Variants in IQGAP1 observed in about 807,000 individuals in gnomAD.
IQGAP1 encodes the protein ras GTPase-activating-like protein IQGAP1.
A neutral mutation model predicts 215.6 loss-of-function variants in IQGAP1; 66 were observed. The ratio of observed to expected loss-of-function variants is 0.31; its 90% CI spans 0.25 to 0.38. IQGAP1 has a LOEUF of 0.38. Ranked by LOEUF, IQGAP1 falls within the 10% of genes least tolerant of loss-of-function variation. The pLI is 1.00. For synonymous variants in IQGAP1, 772 were observed against 728.7 expected, an observed-to-expected ratio of 1.06 and a Z score of -0.96; for missense variants, 1,712 against 1,997.1, an observed-to-expected ratio of 0.86 and a Z score of 2.72.
chr15:90,483,591 C>A lies in IQGAP1; in HGVS notation c.3786C>A (p.Phe1262Leu). Residue 1262 changes from phenylalanine to leucine, a missense_variant and splice_region_variant, in exon 29 of 38, where the codon TTC becomes TTA. Around this residue, in one of 2 missense-constraint regions of IQGAP1, gnomAD observed 691 missense variants for 923.0 expected, o/e 0.75. Transcript: ENST00000268182. ...NEYLSQSYQK[F>L]RRFFQTACDV... ...ATCTTTCCCAGTCCTACCAGAAATT[C>A]AGGTAAGGGGAAAGGCACAAGTGCT... The A allele has an allele frequency of 6.3e-7, 1 of 1,599,926 alleles. No individual in the cohort carries two copies. Among genetic ancestry groups the A allele is most frequent in the South Asian group, 1.1e-5 (1 of 90,840 alleles).
At chr15:90,499,534 C>T (rs555248044) in intron 37 of IQGAP1, among the ~76,000 whole-genome samples, 1 of 152,300 alleles carries the variant, frequency 6.6e-6, no homozygotes, top group East Asian at 1.9e-4. Flanking sequence ...GGTGACATTA[C>T]TAGCCTTATC....
In IQGAP1 at chr15:90,432,132, C is replaced by T. The variant is rs966163937; in HGVS notation, c.391-1587C>T. On this transcript the variant is annotated intron_variant, in intron 4 of 37. Coordinates refer to ENST00000268182, the MANE Select transcript of IQGAP1 (RefSeq NM_003870.4). ...TAAACACGGTATCTTCAGTTGGCTG[C>T]TGGACATTTCTCCTTGGATAGCTTT... Among the ~76,000 whole-genome samples the T allele has an allele frequency of 5.3e-5, 8 of 152,142 alleles. No individual in the cohort carries two copies. The South Asian group carries it at 6.2e-4, about 12-fold the overall frequency.
chr15:90,429,490 A>C (rs1015868744), intron 3 of IQGAP1, 99 bp from the exon 4 acceptor site: 1 of 868,136 alleles, frequency 1.2e-6, no homozygotes, highest in Non-Finnish European at 1.7e-6. Flanking sequence ...ATTAAGGAAA[A>C]TTTGTCAAAT....
At chr15:90,446,540 T>C (rs1965529993) in intron 9 of IQGAP1, among the ~76,000 whole-genome samples, 1 of 152,164 alleles carries the variant, frequency 6.6e-6, no homozygotes, top group Non-Finnish European at 1.5e-5. Context: ...ACAGGGATCC[T>C]TAGGATAGAT....
intron 2 of IQGAP1, among the ~76,000 whole-genome samples, chr15:90,424,662 C>T (rs1267780310): frequency 2.0e-5 from 3 of 151,752 alleles, no homozygotes; most frequent in Non-Finnish European, 4.4e-5. Flanking sequence ...TATGGTGAAA[C>T]CCCATCTCTA....
At chr15:90,467,736 TGTA>T in intron 18 of IQGAP1, 144 bp downstream of exon 18, 1 of 726,844 alleles carries the variant, frequency 1.4e-6, no homozygotes, top group Non-Finnish European at 2.1e-6. Context: ...GTAATTTTTT[TGTA>T]GTAGTTGGGG....
At chr15:90,427,040 T>C (rs1248106928) in intron 3 of IQGAP1, among the ~76,000 whole-genome samples, 1 of 150,940 alleles carries the variant, frequency 6.6e-6, no homozygotes, top group Non-Finnish European at 1.5e-5. Context: ...GCCAAGGTGG[T>C]AGGATCACTT....
chr15:90,397,510 C>CTTT lies in IQGAP1; in HGVS notation c.155+6659_155+6661dup, dbSNP rs892748490. ...TGAAATACAGTAGGCACTCAACAAA[C>CTTT]TTTTTTTTTTTTTTTTTTTTTTTTG... On this transcript the variant is annotated intron_variant, in intron 2 of 37. Transcript: ENST00000268182. Among the ~76,000 whole-genome samples, 194 of 106,352 alleles carry CTTT rather than the reference C, an allele frequency of 1.8e-3. 1 individual carries two copies. Among genetic ancestry groups the CTTT allele is most frequent in the African/African-American group, 3.5e-3 (88 of 25,306 alleles). The allele number at this position is 106,352 out of a possible 152,430, so 69.8% of individuals were successfully genotyped here.
At chr15:90,491,604 G>C in intron 34 of IQGAP1, 59 bp downstream of exon 34, 1 of 1,363,548 alleles carries the variant, frequency 7.3e-7, no homozygotes, top group Non-Finnish European at 1.0e-6. Context: ...AGGCTCGAGA[G>C]ACAGTAGCTG....
intron 3 of IQGAP1, 29 bp from the exon 4 acceptor site, chr15:90,429,560 T>A: frequency 6.6e-7 from 1 of 1,514,738 alleles, no homozygotes; most frequent in Non-Finnish European, 9.0e-7. Context: ...ATACAGCCAA[T>A]AATACCTAAT....
At chr15:90,456,746 G>C (rs934438738) in intron 15 of IQGAP1, among the ~76,000 whole-genome samples, 2 of 150,556 alleles carry the variant, frequency 1.3e-5, no homozygotes, top group African/African-American at 4.9e-5. Context: ...AAATTAGCTG[G>C]GCGTGGTGGT....
chr15:90,488,241 T>C (rs1003701835), intron 33 of IQGAP1, among the ~76,000 whole-genome samples: 5 of 148,832 alleles, frequency 3.4e-5, no homozygotes, highest in African/African-American at 1.3e-4. Context: ...AATAAATAAA[T>C]AAATAAATAA....
intron 19 of IQGAP1, 119 bp from the exon 20 acceptor site, chr15:90,473,596 C>T (rs1965935285): frequency 2.9e-6 from 2 of 687,722 alleles, no homozygotes; most frequent in African/African-American, 1.8e-5. Flanking sequence ...TGGAAGTGGT[C>T]CTTCCTAAAA....
intron 2 of IQGAP1, chr15:90,391,746 T>C (rs941860074): frequency 2.0e-5 from 3 of 152,264 alleles, no homozygotes; most frequent in Non-Finnish European, 4.4e-5. Flanking sequence ...TTTTAGAGTG[T>C]CATTTTGTTA....
intron 7 of IQGAP1, 25 bp from the exon 8 acceptor site, chr15:90,441,481 T>G: frequency 6.3e-7 from 1 of 1,585,870 alleles, no homozygotes; most frequent in Non-Finnish European, 8.6e-7. Context: ...TTTTTGTTGG[T>G]TTGTTTTTTT....
chr15:90,452,808 T>C lies in IQGAP1; in HGVS notation c.1196T>C (p.Ile399Thr), dbSNP rs1243209896. The C allele has an allele frequency of 1.9e-6, 3 of 1,614,192 alleles. No homozygotes were observed. The highest frequency in any genetic ancestry group is 1.1e-5 in the South Asian group (1 of 91,088). ...LAAVALINAAIQKGVAEKTVL... is the reference protein window; with the variant it reads ...LAAVALINAATQKGVAEKTVL... ...GCAGTAGCACTGATTAATGCTGCAA[T>C]CCAGAAGGGTGTTGCTGAGAAGACT... Residue 399 changes from isoleucine to threonine, a missense_variant, in exon 12 of 38, where the codon ATC becomes ACC. Ile to Thr is a moderately conservative substitution (Grantham distance 89). Coordinates refer to ENST00000268182, the MANE Select transcript of IQGAP1 (RefSeq NM_003870.4).
At chr15:90,450,497 G>T (rs1351392325) in intron 11 of IQGAP1, among the ~76,000 whole-genome samples, 5 of 151,838 alleles carry the variant, frequency 3.3e-5, no homozygotes, top group Admixed American at 2.0e-4. Context: ...TGAATCATAT[G>T]TAGTTTTATT....
intron 30 of IQGAP1, among the ~76,000 whole-genome samples, chr15:90,485,342 C>T (rs922429852): frequency 3.9e-5 from 6 of 152,140 alleles, no homozygotes; most frequent in Non-Finnish European, 8.8e-5. Context: ...TAAGTAAAAG[C>T]GTGCACGTGA....
At chr15:90,465,711 AGAGAGACG>A (rs1965821989) in intron 15 of IQGAP1, among the ~76,000 whole-genome samples, 2 of 147,620 alleles carry the variant, frequency 1.4e-5, no homozygotes, top group South Asian at 4.2e-4. Context: ...GTTTGTTTTT[AGAGAGACG>A]GGGTCTCACT....
Sources: gnomAD v4.1 joint callset for allele counts (sites outside exome capture counted in the v4.1 genomes callset) on GRCh38, gnomAD v4.1.1 for gene constraint, gnomAD v4.1.1 regional missense constraint, MANE v1.5 for transcripts, NCBI Gene and HGNC (gene_info 2026-07-23, HGNC 2026-07-21) for gene names.